Variants in DOCK6 observed in about 807,000 individuals in gnomAD.
The protein encoded by DOCK6 is dedicator of cytokinesis 6, also known as dedicator of cytokinesis protein 6.
In DOCK6, 167 loss-of-function variants were observed where a neutral mutation model predicts 230.3. That is an observed-to-expected ratio of 0.73 (90% CI 0.64 to 0.82). The LOEUF is 0.82. Ranked by LOEUF, DOCK6 falls within the 40% of genes least tolerant of loss-of-function variation. The pLI is 0.00. For missense variants in DOCK6, 2,598 were observed against 2,825.8 expected (o/e 0.92, Z 1.83); for synonymous variants, 1,148 against 1,185.0 (o/e 0.97, Z 0.64).
chr19:11,213,081 C>T (rs868074655), intron 35 of DOCK6, 95 bp downstream of exon 35: 9 of 1,478,168 alleles, frequency 6.1e-6, no homozygotes, highest in Middle Eastern at 2.3e-4. Flanking sequence ...TGCTCAATGA[C>T]TGTCTCCCCC....
At chr19:11,219,159 G>A (rs1048413345) in intron 28 of DOCK6, among the ~76,000 whole-genome samples, 1 of 139,290 alleles carries the variant, frequency 7.2e-6, no homozygotes, top group Non-Finnish European at 1.5e-5. Flanking sequence ...TTACAGGCAT[G>A]AGCCACTGCG....
At chr19:11,208,627 T>C in intron 39 of DOCK6, 59 bp downstream of exon 39, 10 of 1,573,290 alleles carry the variant, frequency 6.4e-6, no homozygotes, top group Non-Finnish European at 8.7e-6. Flanking sequence ...AGGAAGCAGA[T>C]CTGATGGCAC....
chr19:11,259,575 T>TTTTTTTG (rs71260159), intron 1 of DOCK6, among the ~76,000 whole-genome samples: 2 of 145,110 alleles, frequency 1.4e-5, no homozygotes, highest in Non-Finnish European at 1.5e-5. Flanking sequence ...TTTTTTTTTT[T>TTTTTTTG]GAGATGGAGT....
Position 11,224,214 on chromosome 19 carries a change from C to CTTTCTTTCTTTCTTTCTTTCTTTCT in DOCK6, c.2956-1109_2956-1108insAGAAAGAAAGAAAGAAAGAAAGAAA, listed in dbSNP as rs768175902. Among the ~76,000 whole-genome samples the CTTTCTTTCTTTCTTTCTTTCTTTCT allele has an allele frequency of 9.1e-5, 13 of 142,160 alleles. No individual in the cohort carries two copies. In the East Asian group the frequency reaches 1.9e-3, roughly 21 times the overall value. 93.3% of individuals were successfully genotyped at this position (142,160 alleles called of 152,430 possible). ...CTTTTCTTTCTTTCTTTCTTTCTTTCTTTTTTTTTTTTTTGAGACGGAGTC... is the reference window on the plus strand; with the variant it reads ...CTTTTCTTTCTTTCTTTCTTTCTTTCTTTCTTTCTTTCTTTCTTTCTTTCTTTTTTTTTTTTTTTGAGACGGAGTC... On this transcript the variant is annotated intron_variant, in intron 24 of 47. Transcript: ENST00000294618.
rs1568660496 is a variant in DOCK6, at chr19:11,200,285, G to A, written c.6101+23C>T. On this transcript the variant is annotated intron_variant, in intron 47 of 47. Transcript: ENST00000294618. The surrounding 1 kb of genome is among the most constrained non-coding windows in gnomAD (Gnocchi z 4.3). ...TCTGCATCCCCTCTCTAGTCTCTAG[G>A]ATGGGGGCACTAGGTCAGGCACCTG... 2 of 1,551,660 alleles carry A rather than the reference G, an allele frequency of 1.3e-6. No individual in the cohort carries two copies. Among genetic ancestry groups the A allele is most frequent in the Middle Eastern group, 2.0e-4 (1 of 4,938 alleles).
intron 22 of DOCK6, chr19:11,232,094 C>G (rs909771825): frequency 1.4e-5 from 14 of 969,400 alleles, no homozygotes; most frequent in African/African-American, 1.7e-5. Flanking sequence ...TTCAGGCAGC[C>G]CCCCTAGGTT....
In DOCK6 at chr19:11,217,406, C is replaced by CAG. The variant is rs767350053; in HGVS notation, c.3551-17_3551-16dup. 1 of 1,609,780 alleles carries CAG rather than the reference C, an allele frequency of 6.2e-7. No individual in the cohort carries two copies. Among genetic ancestry groups the CAG allele is most frequent in the South Asian group, 1.1e-5 (1 of 90,308 alleles). On this transcript the variant is annotated splice_polypyrimidine_tract_variant and intron_variant, in intron 28 of 47. Coordinates refer to ENST00000294618, the MANE Select transcript of DOCK6 (RefSeq NM_020812.4). ...ACCTGGGCCCTCTGGCAGGGAAAGACAGAGGGAAAGAAAGATAAACCCTTG... is the reference window on the plus strand; with the variant it reads ...ACCTGGGCCCTCTGGCAGGGAAAGACAGAGAGGGAAAGAAAGATAAACCCTTG...
chr19:11,215,701 G>A, intron 31 of DOCK6, 100 bp downstream of exon 31: 1 of 1,577,428 alleles, frequency 6.3e-7, no homozygotes. Flanking sequence ...GAAAAGTGAG[G>A]CAGAAAGTAA....
At chr19:11,251,892 C>T (rs1376307214) in intron 5 of DOCK6, 2 of 603,400 alleles carry the variant, frequency 3.3e-6, no homozygotes, top group African/African-American at 3.7e-5. Flanking sequence ...TAATGGCTGC[C>T]CTGACTCCTA....
In DOCK6 at chr19:11,238,181, A is replaced by G. The variant is rs200659753; in HGVS notation, c.1761+6T>C. On this transcript the variant is annotated splice_donor_region_variant and intron_variant, in intron 15 of 47. Transcript: ENST00000294618. ...TACCCCCCTTCCCTGGGGCACAGCCACTGACCGGCAGAGCCTGGCTGGGGT... is the reference window on the plus strand; with the variant it reads ...TACCCCCCTTCCCTGGGGCACAGCCGCTGACCGGCAGAGCCTGGCTGGGGT... 2.7e-4 allele frequency: 443 copies of G among 1,613,522 alleles called. 2 individuals are homozygous for G. Among genetic ancestry groups the G allele is most frequent in the Middle Eastern group, 1.6e-4 (1 of 6,082 alleles).
intron 24 of DOCK6, among the ~76,000 whole-genome samples, chr19:11,224,614 C>G (rs1449426153): frequency 6.6e-6 from 1 of 152,182 alleles, no homozygotes; most frequent in Non-Finnish European, 1.5e-5. Context: ...GTTAAGGGAA[C>G]AGTCAGTGCA....
At chr19:11,207,896 C>T (rs962158221) in intron 39 of DOCK6, among the ~76,000 whole-genome samples, 14 of 152,022 alleles carry the variant, frequency 9.2e-5, no homozygotes, top group African/African-American at 3.4e-4. Flanking sequence ...CGCCACCGCA[C>T]TCCAGCCTAG....
rs1454586974 is a variant in DOCK6 at position 11,202,608 on chromosome 19, C to G, written c.5337G>C (p.Leu1779=). ...CCTCCAGCCGGTGTGAGATCTCTGC[C>G]AGCTTCGTGATCGATGGCTCCTTGT... ...FVYKEPSITK[L]AEISHRLEEF... is the part of the protein sequence containing the mutation. The change falls in exon 42 of 48, where the codon CTG becomes CTC. Residue 1779 remains leucine (L), a synonymous_variant. Transcript: ENST00000294618. The surrounding 1 kb of genome is among the most constrained non-coding windows in gnomAD (Gnocchi z 5.3). 1.9e-6 allele frequency: 3 copies of G among 1,613,916 alleles called. No homozygotes were observed. The East Asian group carries it at 6.7e-5, about 36-fold the overall frequency.
rs571827608 is a variant in DOCK6 at position 11,253,377 on chromosome 19, G to C, written c.132+262C>G. The stretch of plus-strand genomic sequence containing the variant: ...CCCATCTAGGTGGTCCAGGTGGCTG[G>C]AGATGGGGGACATCAGGAGGGAGCC... On this transcript the variant is annotated intron_variant, in intron 2 of 47. Coordinates refer to ENST00000294618, the MANE Select transcript of DOCK6 (RefSeq NM_020812.4). 7.9e-5 allele frequency among the ~76,000 whole-genome samples: 12 copies of C among 152,242 alleles called. No homozygotes were observed. The South Asian group carries it at 2.3e-3, about 29-fold the overall frequency.
At chr19:11,229,065 C>T (rs763532546) in intron 22 of DOCK6, 30 bp from the exon 23 acceptor site, 18 of 1,598,744 alleles carry the variant, frequency 1.1e-5, no homozygotes, top group African/African-American at 4.0e-5. Flanking sequence ...TCACAGAGTG[C>T]GAGGTGCCAC....
Position 11,202,046 on chromosome 19 carries a change from T to C in DOCK6, c.5531A>G (p.Asn1844Ser), listed in dbSNP as rs892446076. ...LKDRVTYFDR[N>S]YGLRTFLFCT... Reference sequence around the variant, plus strand: ...GAACAGGAATGTGCGAAGCCCATAGTTGCGGTCAAAGTAGGTCACCCGGTC... The same window carrying C: ...GAACAGGAATGTGCGAAGCCCATAGCTGCGGTCAAAGTAGGTCACCCGGTC... Residue 1844 changes from asparagine to serine, a missense_variant, in exon 44 of 48, where the codon AAC becomes AGC. By Grantham distance (46) the Asn-to-Ser change is conservative (BLOSUM62 1). Transcript: ENST00000294618. This position sits in a 1 kb window ranked among gnomAD's most constrained non-coding sequence, Gnocchi z 5.3. 13 of 1,613,906 alleles carry C rather than the reference T, an allele frequency of 8.1e-6. No individual in the cohort carries two copies. Among genetic ancestry groups the C allele is most frequent in the Middle Eastern group, 1.6e-4 (1 of 6,084 alleles).
Position 11,200,483 on chromosome 19 carries a change from G to A in DOCK6, c.5940-14C>T, listed in dbSNP as rs375933242. Reference sequence around the variant, plus strand: ...GCATCCTCACATCTGAGGGCCAGAGGGTGGGAGATGCTCAGAGACTCGCAC... The same window carrying A: ...GCATCCTCACATCTGAGGGCCAGAGAGTGGGAGATGCTCAGAGACTCGCAC... On this transcript the variant is annotated splice_polypyrimidine_tract_variant and intron_variant, in intron 46 of 47. Transcript: ENST00000294618. This position sits in a 1 kb window ranked among gnomAD's most constrained non-coding sequence, Gnocchi z 4.3. The A allele has an allele frequency of 6.8e-6, 11 of 1,607,056 alleles. No homozygotes were observed. Among genetic ancestry groups the A allele is most frequent in the Non-Finnish European group, 9.3e-6 (11 of 1,176,986 alleles).
intron 22 of DOCK6, among the ~76,000 whole-genome samples, chr19:11,232,994 C>T (rs908655590): frequency 1.3e-5 from 2 of 152,122 alleles, no homozygotes; most frequent in South Asian, 2.1e-4. Context: ...CACCCATCCT[C>T]GGGTCAGTCA....
chr19:11,215,771 T>C, intron 31 of DOCK6, 30 bp downstream of exon 31: 1 of 1,613,008 alleles, frequency 6.2e-7, no homozygotes, highest in Non-Finnish European at 8.5e-7. Context: ...GCTGGTGGGA[T>C]GGGGACACGT....
Sources: allele counts gnomAD v4.1 joint callset (sites outside exome capture counted in the v4.1 genomes callset), GRCh38; gene constraint gnomAD v4.1.1; non-coding constraint Gnocchi (gnomAD v3.1); transcripts MANE v1.5; gene names NCBI Gene and HGNC (gene_info 2026-07-23, HGNC 2026-07-21).